CEP95: variants seen among roughly 807,000 people sequenced by gnomAD.
The protein encoded by CEP95 is centrosomal protein 95.
Under a neutral mutation model 111.2 loss-of-function variants are expected in CEP95, and 98 were observed. The observed-to-expected ratio is 0.88, with a 90% CI of 0.75 to 1.04. The LOEUF is 1.04. Among genes scored for constraint, CEP95 ranks in the 50% least tolerant of loss-of-function variants. The pLI, the probability that CEP95 is intolerant of heterozygous loss-of-function variation, is 0.00. For synonymous variants in CEP95, 323 were observed against 327.1 expected (o/e 0.99, Z 0.14); for missense variants, 1,027 against 977.2 (o/e 1.05, Z -0.68).
chr17:64,508,008 T>G (rs2038664154), intron 1 of CEP95: 1 of 985,186 alleles, frequency 1.0e-6, no homozygotes, highest in South Asian at 4.7e-5. Context: ...CCATATTTTC[T>G]TTCATATAGA....
intron 3 of CEP95, among the ~76,000 whole-genome samples, chr17:64,511,719 A>G (rs549805191): frequency 1.3e-5 from 2 of 152,380 alleles, no homozygotes; most frequent in African/African-American, 4.8e-5. Context: ...AGACAGGCCT[A>G]GGAAATCACA....
rs1967568960 is a variant in CEP95, at chr17:64,523,791, T to G, written c.909+896T>G. Among the ~76,000 whole-genome samples, 3 of 151,972 alleles carry G rather than the reference T, an allele frequency of 2.0e-5. No individual in the cohort carries two copies. In the South Asian group the frequency reaches 6.2e-4, roughly 32 times the overall value. On this transcript the variant is annotated intron_variant, in intron 8 of 19. Transcript: ENST00000556440. ...GGTGCATGCCTGTGATCTTAGCTAC[T>G]TAGTAGGCTGAGGCAGGAGGATCAC...
chr17:64,511,673 G>A (rs1322197934), intron 3 of CEP95, among the ~76,000 whole-genome samples: 15 of 152,148 alleles, frequency 9.9e-5, no homozygotes, highest in Middle Eastern at 3.4e-3. Context: ...CATCCTCCTC[G>A]GTTTACAAGA....
At chr17:64,531,790 A>C in intron 13 of CEP95, 100 bp from the exon 14 acceptor site, 1 of 875,618 alleles carries the variant, frequency 1.1e-6, no homozygotes, top group Admixed American at 3.9e-5. Context: ...AAACTAAAAA[A>C]CTACCGTTAG....
chr17:64,537,282 A>AAATC, intron 19 of CEP95, 170 bp downstream of exon 19: 1 of 1,408,508 alleles, frequency 7.1e-7, no homozygotes, highest in Non-Finnish European at 9.3e-7. Flanking sequence ...CACAACAACA[A>AAATC]AATCATTTAA....
chr17:64,508,472 A>G (rs995492496), intron 1 of CEP95, 120 bp from the exon 2 acceptor site: 3 of 1,189,466 alleles, frequency 2.5e-6, no homozygotes, highest in African/African-American at 1.6e-5. Context: ...CAAATTCCTT[A>G]TCTTCTGCAA....
intron 3 of CEP95, among the ~76,000 whole-genome samples, chr17:64,513,352 A>G (rs782513570): frequency 2.0e-5 from 3 of 152,162 alleles, no homozygotes; most frequent in African/African-American, 7.2e-5. Context: ...GAGTGTCACA[A>G]GGGTTAAGTA....
intron 1 of CEP95, chr17:64,508,179 G>T: frequency 2.0e-6 from 2 of 985,438 alleles, no homozygotes; most frequent in Non-Finnish European, 2.4e-6. Flanking sequence ...ACTATTGCAA[G>T]TGCGAAGCAG....
Position 64,510,163 on chromosome 17 carries a change from C to CT in CEP95, c.149-10_149-9insT. On this transcript the variant is annotated splice_polypyrimidine_tract_variant and intron_variant, in intron 2 of 19. Transcript: ENST00000556440. ...TGGATACAAAATTATGTGATTTTTTCCCCCCCCAGACCTCATAGTTATTCC... is the reference window on the plus strand; with the variant it reads ...TGGATACAAAATTATGTGATTTTTTCTCCCCCCCAGACCTCATAGTTATTCC... The CT allele has an allele frequency of 6.8e-7, 1 of 1,462,300 alleles. No individual in the cohort carries two copies. The highest frequency in any genetic ancestry group is 9.4e-7 in the Non-Finnish European group (1 of 1,060,046). 90.6% of individuals were successfully genotyped at this position (1,462,300 alleles called of 1,614,324 possible). A position where few individuals can be genotyped will look rare whatever the true frequency, so the allele number is the denominator to read the frequency against.
Position 64,532,808 on chromosome 17 carries a change from C to G in CEP95, c.1673-31C>G, listed in dbSNP as rs782421560. Reference sequence around the variant, plus strand: ...TGGATGACAGTTCTTGTCCACGTCTCAGATTAAGAACATCTTATTTTACCT... The same window carrying G: ...TGGATGACAGTTCTTGTCCACGTCTGAGATTAAGAACATCTTATTTTACCT... On this transcript the variant is annotated intron_variant, in intron 14 of 19. Coordinates refer to ENST00000556440, the MANE Select transcript of CEP95 (RefSeq NM_138363.3). The G allele has an allele frequency of 2.1e-5, 34 of 1,592,166 alleles. 1 individual carries two copies. The highest frequency in any genetic ancestry group is 2.7e-5 in the African/African-American group (2 of 73,854).
At position 64,532,225 on chromosome 17, in the gene CEP95, A is replaced by G. The variant is rs773520009; in HGVS notation, c.1672+203A>G. On this transcript the variant is annotated intron_variant, in intron 14 of 19. Coordinates refer to ENST00000556440, the MANE Select transcript of CEP95 (RefSeq NM_138363.3). ...GGAAGTACTTCAGGGAGGCCTATAT[A>G]TTGGCACCCAAGGAATGCCAGGACT... The G allele has an allele frequency of 6.1e-5, 76 of 1,239,472 alleles. 1 individual carries two copies. The highest frequency in any genetic ancestry group is 6.1e-4 in the Middle Eastern group (2 of 3,254). The allele number at this position is 1,239,472 out of a possible 1,614,324, so 76.8% of individuals were successfully genotyped here. A position where few individuals can be genotyped will look rare whatever the true frequency, so the allele number is the denominator to read the frequency against.
At chr17:64,509,765 G>T (rs1375845413) in intron 2 of CEP95, among the ~76,000 whole-genome samples, 2 of 151,810 alleles carry the variant, frequency 1.3e-5, no homozygotes, top group Non-Finnish European at 2.9e-5. Context: ...TTTCTTCGTA[G>T]AAAGTAGCCC....
At chr17:64,506,842 G>A (rs146436564), upstream of CEP95, 645 of 601,946 alleles carry the variant, frequency 1.1e-3, 5 homozygotes, top group African/African-American at 0.011. Flanking sequence ...ATCCTTTGAC[G>A]GGTTTTGGTC....
intron 6 of CEP95, among the ~76,000 whole-genome samples, chr17:64,520,156 G>A (rs1967203967): frequency 6.6e-6 from 1 of 152,240 alleles, no homozygotes; most frequent in Non-Finnish European, 1.5e-5. Flanking sequence ...GATTGATTGG[G>A]AATGGAAGGG....
At chr17:64,507,638 T>G (rs781834978) in intron 1 of CEP95, 4 of 988,230 alleles carry the variant, frequency 4.0e-6, no homozygotes, top group Non-Finnish European at 3.6e-6. Context: ...AGCGAATTAA[T>G]TTGGTTGTCT....
In CEP95 at chr17:64,524,355, C is replaced by T. The variant is rs183299053; in HGVS notation, c.910-1415C>T. Among the ~76,000 whole-genome samples the T allele has an allele frequency of 1.4e-3, 211 of 152,222 alleles. 5 individuals are homozygous for T. Among genetic ancestry groups the T allele is most frequent in the Admixed American group, 0.014 (211 of 15,280 alleles). ...ACAGAGTGTCGCTGTGTCGCCCAGG[C>T]TGGAGTGTAGTGGTGCAGTCTGCAC... On this transcript the variant is annotated intron_variant, in intron 8 of 19. Coordinates refer to ENST00000556440, the MANE Select transcript of CEP95 (RefSeq NM_138363.3).
chr17:64,510,164 C>CG lies in CEP95; in HGVS notation c.149-9_149-8insG. Reference sequence around the variant, plus strand: ...GGATACAAAATTATGTGATTTTTTCCCCCCCCAGACCTCATAGTTATTCCT... The same window carrying CG: ...GGATACAAAATTATGTGATTTTTTCCGCCCCCCAGACCTCATAGTTATTCCT... On this transcript the variant is annotated splice_polypyrimidine_tract_variant and intron_variant, in intron 2 of 19. Transcript: ENST00000556440. 1.3e-6 allele frequency: 2 copies of CG among 1,542,572 alleles called. No individual in the cohort carries two copies. Among genetic ancestry groups the CG allele is most frequent in the Non-Finnish European group, 1.8e-6 (2 of 1,122,150 alleles).
chr17:64,507,277 A>C, intron 1 of CEP95, 161 bp downstream of exon 1: 1 of 1,478,950 alleles, frequency 6.8e-7, no homozygotes, highest in Non-Finnish European at 9.0e-7. Flanking sequence ...TCTCAGCTTC[A>C]CCACCTCTTC....
chr17:64,517,419 A>G (rs1394989811), intron 5 of CEP95, among the ~76,000 whole-genome samples: 1 of 152,224 alleles, frequency 6.6e-6, no homozygotes, highest in African/African-American at 2.4e-5. Flanking sequence ...AAAGCAGGAA[A>G]AAAAATCTAT....
Sources: gnomAD v4.1 joint callset for allele counts (sites outside exome capture counted in the v4.1 genomes callset) on GRCh38, gnomAD v4.1.1 for gene constraint, MANE v1.5 for transcripts, NCBI Gene and HGNC (gene_info 2026-07-23, HGNC 2026-07-21) for gene names.